Variants in FGR observed in about 807,000 individuals in gnomAD.
FGR encodes the protein FGR proto-oncogene, Src family tyrosine kinase.
In FGR, 26 loss-of-function variants were observed where a neutral mutation model predicts 63.2. The observed-to-expected ratio is 0.41, with a 90% CI of 0.30 to 0.57. The LOEUF (loss-of-function observed/expected upper bound fraction) is 0.57, where lower values mean the gene tolerates loss of function less well. Ranked by LOEUF, FGR falls within the 20% of genes least tolerant of loss-of-function variation. The probability of loss-of-function intolerance (pLI) is 0.27; values close to 1 mark genes in which losing one functional copy is unlikely to be tolerated. For synonymous variants in FGR, 286 were observed against 277.7 expected (o/e 1.03, Z -0.30); for missense variants, 511 against 690.8 (o/e 0.74, Z 2.92).
chr1:27,617,263 T>C lies in FGR; in HGVS notation c.462A>G (p.Ala154=), dbSNP rs780710820. 14 of 1,614,078 alleles carry C rather than the reference T, an allele frequency of 8.7e-6. No individual in the cohort carries two copies. In the East Asian group the frequency reaches 2.7e-4, roughly 31 times the overall value. ...TGCCTGGTGAAAGCAGCTGCCTCTC[T>C]GCATCCTTTCTCCCAATCTTTCCAA... ...WYFGKIGRKD[A]ERQLLSPGNP... The change falls in exon 6 of 13, where the codon GCA becomes GCG. Residue 154 remains alanine, a synonymous_variant. Transcript: ENST00000374005. The surrounding 1 kb of genome is among the most constrained non-coding windows in gnomAD (Gnocchi z 4.5).
chr1:27,617,005 A>C lies in FGR; in HGVS notation c.534T>G (p.Gly178=). 1.9e-6 allele frequency: 3 copies of C among 1,614,114 alleles called. No homozygotes were observed. Among genetic ancestry groups the C allele is most frequent in the Non-Finnish European group, 2.5e-6 (3 of 1,180,016 alleles). ...FLIRESETTK[G]AYSLSIRDWD... ...AGTCCCGGATGGACAGGGAGTAGGC[A>C]CCTGTGGAGAGGATCACTTTTGATC... Residue 178 remains glycine, a splice_region_variant and synonymous_variant, in exon 7 of 13, where the codon GGT becomes GGG. Coordinates refer to ENST00000374005, the MANE Select transcript of FGR (RefSeq NM_005248.3). The surrounding 1 kb of genome is among the most constrained non-coding windows in gnomAD (Gnocchi z 4.5).
At chr1:27,634,833 C>T (rs947372334) in intron 1 of FGR, among the ~76,000 whole-genome samples, 1 of 152,144 alleles carries the variant, frequency 6.6e-6, no homozygotes, top group South Asian at 2.1e-4. Context: ...CGGCTTCCCC[C>T]GTGCTCCCCT....
intron 4 of FGR, 97 bp from the exon 5 acceptor site, chr1:27,621,754 G>A: frequency 2.3e-6 from 2 of 857,292 alleles, no homozygotes; most frequent in Non-Finnish European, 4.0e-6. Flanking sequence ...GATGAATCCT[G>A]CCAAACCCTC....
chr1:27,623,821 G>A lies in FGR; in HGVS notation c.96C>T (p.Asp32=), dbSNP rs758251834. 5.0e-6 allele frequency: 8 copies of A among 1,614,104 alleles called. No homozygotes were observed. The highest frequency in any genetic ancestry group is 1.3e-5 in the African/African-American group (1 of 74,942). The part of the protein sequence containing the change: ...EGDFRSYGAA[D]HYGPDPTKAR... ...CCTTAGTGGGGTCAGGCCCATAGTG[G>A]TCTGCTGCCCCGTAGCTTCTGAAGT... is the stretch of plus-strand genomic sequence containing the variant. Residue 32 remains aspartate, a synonymous_variant, in exon 3 of 13, where the codon GAC becomes GAT. Transcript: ENST00000374005.
rs1468218917 is a variant in FGR at position 27,616,216 on chromosome 1, C to T, written c.683-372G>A. 1.3e-5 allele frequency among the ~76,000 whole-genome samples: 2 copies of T among 152,224 alleles called. No individual in the cohort carries two copies. Among genetic ancestry groups the T allele is most frequent in the Non-Finnish European group, 2.9e-5 (2 of 68,036 alleles). The stretch of plus-strand genomic sequence containing the variant: ...CCCACGGTCTTCCGTGGACCTCATC[C>T]TTGGCATAACCAATCAAGGCAGAAA... On this transcript the variant is annotated intron_variant, in intron 7 of 12. Coordinates refer to ENST00000374005, the MANE Select transcript of FGR (RefSeq NM_005248.3). This position sits in a 1 kb window ranked among gnomAD's most constrained non-coding sequence, Gnocchi z 4.3.
At chr1:27,632,206 G>A (rs908445837) in intron 1 of FGR, among the ~76,000 whole-genome samples, 2 of 149,940 alleles carry the variant, frequency 1.3e-5, no homozygotes, top group South Asian at 2.1e-4. Flanking sequence ...GTTCGATCTC[G>A]GCTCACTGCA....
At chr1:27,625,811 C>A (rs1263951279) in intron 1 of FGR, among the ~76,000 whole-genome samples, 1 of 152,048 alleles carries the variant, frequency 6.6e-6, no homozygotes, top group African/African-American at 2.4e-5. Context: ...TGGAGGTGGG[C>A]GCCTGTAGTC....
chr1:27,614,357 C>G, intron 11 of FGR, 73 bp downstream of exon 11: 2 of 1,516,960 alleles, frequency 1.3e-6, no homozygotes, highest in Non-Finnish European at 1.8e-6. Flanking sequence ...GGAAGGGTTC[C>G]TGAGTGCGTG....
In FGR at chr1:27,623,857, G is replaced by A. The variant is rs1291414043; in HGVS notation, c.60C>T (p.Gly20=). Residue 20 remains glycine (G), a synonymous_variant, in exon 3 of 13, where the codon GGC becomes GGT. Coordinates refer to ENST00000374005, the MANE Select transcript of FGR (RefSeq NM_005248.3). The part of the protein sequence containing the change: ...EPVATAKEDA[G]LEGDFRSYGA... ...CGTAGCTTCTGAAGTCCCCTTCCAGGCCAGCATCCTCCTTGGCCGTGGCCA... is the reference window on the plus strand; with the variant it reads ...CGTAGCTTCTGAAGTCCCCTTCCAGACCAGCATCCTCCTTGGCCGTGGCCA... The A allele has an allele frequency of 6.2e-7, 1 of 1,612,200 alleles. No individual in the cohort carries two copies. Among genetic ancestry groups the A allele is most frequent in the Non-Finnish European group, 8.5e-7 (1 of 1,178,424 alleles).
chr1:27,627,300 A>C (rs1337078539), intron 1 of FGR, among the ~76,000 whole-genome samples: 8 of 152,114 alleles, frequency 5.3e-5, no homozygotes, highest in Non-Finnish European at 1.2e-4. Context: ...ACCCCTTCTC[A>C]GTTGGCACAT....
chr1:27,620,699 A>G (rs1277871919), intron 5 of FGR, among the ~76,000 whole-genome samples: 2 of 151,882 alleles, frequency 1.3e-5, no homozygotes, highest in African/African-American at 2.4e-5. Flanking sequence ...ATACTTGCTC[A>G]AGTATATAAA....
At chr1:27,624,213 T>A (rs866380866) in intron 2 of FGR, among the ~76,000 whole-genome samples, 1 of 152,342 alleles carries the variant, frequency 6.6e-6, no homozygotes. Flanking sequence ...CTTATTTGCA[T>A]ATTTTTGCCT....
At chr1:27,628,516 T>TACACACACACACACACACAC (rs56021900) in intron 1 of FGR, among the ~76,000 whole-genome samples, 1 of 91,316 alleles carries the variant, frequency 1.1e-5, no homozygotes, top group Admixed American at 1.2e-4. Flanking sequence ...CATGTAGGGA[T>TACACACACACACACACACAC]ACACACACAC....
intron 11 of FGR, among the ~76,000 whole-genome samples, chr1:27,613,694 CAA>C (rs56363244): frequency 0.042 from 3,126 of 73,892 alleles, 54 homozygotes; most frequent in African/African-American, 0.17. Flanking sequence ...GACTCCATCT[CAA>C]AAAAAAAAAA....
chr1:27,615,434 C>T lies in FGR; in HGVS notation c.1018G>A (p.Gly340Ser), dbSNP rs768661282. The T allele has an allele frequency of 1.3e-6, 2 of 1,595,498 alleles. No individual in the cohort carries two copies. Among genetic ancestry groups the T allele is most frequent in the East Asian group, 2.3e-5 (1 of 44,308 alleles). ...GCCCGACCAGGCTCCGCCTCCTGAC[C>T]GTGACACATGAACTCGGTCACGATG... Reference protein sequence around the residue: ...IYIVTEFMCHGSLLDFLKNPE... With the variant: ...IYIVTEFMCHSSLLDFLKNPE... The change falls in exon 9 of 13, where the codon GGC (glycine) becomes AGC (serine). Residue 340 changes from glycine (G) to serine (S), a missense_variant and splice_region_variant. By Grantham distance (56) the Gly-to-Ser change is moderately conservative (BLOSUM62 0). Transcript: ENST00000374005. This position sits in a 1 kb window ranked among gnomAD's most constrained non-coding sequence, Gnocchi z 7.6.
At chr1:27,614,775 G>T in intron 10 of FGR, 75 bp downstream of exon 10, 1 of 1,447,352 alleles carries the variant, frequency 6.9e-7, no homozygotes. Context: ...CCTCCCAGGC[G>T]TTTGAAGGGA....
Position 27,615,472 on chromosome 1 carries a change from T to G in FGR, c.980A>C (p.Glu327Ala), listed in dbSNP as rs776370581. 17 of 1,610,364 alleles carry G rather than the reference T, an allele frequency of 1.1e-5. No homozygotes were observed. In the Admixed American group the frequency reaches 2.8e-4, roughly 27 times the overall value. ...KLVQLYAVVS[E>A]EPIYIVTEFM... ...CTCGGTCACGATGTAGATGGGCTCC[T>G]CCGACACCACGGCGTACAGCTGCAC... The change falls in exon 9 of 13, where the codon GAG becomes GCG. Residue 327 changes from glutamate to alanine, a missense_variant. Physicochemically the swap from Glu to Ala is moderately radical, Grantham distance 107 (BLOSUM62 -1). Transcript: ENST00000374005. The surrounding 1 kb of genome is among the most constrained non-coding windows in gnomAD (Gnocchi z 7.6).
In FGR at chr1:27,616,796, T is replaced by C. The variant is rs979804189; in HGVS notation, c.682+61A>G. 15 of 1,573,776 alleles carry C rather than the reference T, an allele frequency of 9.5e-6. No homozygotes were observed. The highest frequency in any genetic ancestry group is 1.1e-5 in the Non-Finnish European group (13 of 1,144,734). ...GTCCCTTCCCTTCTCTGGGCCTCAG[T>C]TCCCCCATCTGGACAATGCTTCAGT... is the stretch of plus-strand genomic sequence containing the variant. On this transcript the variant is annotated intron_variant, in intron 7 of 12. Coordinates refer to ENST00000374005, the MANE Select transcript of FGR (RefSeq NM_005248.3). This position sits in a 1 kb window ranked among gnomAD's most constrained non-coding sequence, Gnocchi z 4.3.
At position 27,615,380 on chromosome 1, in the gene FGR, A is replaced by C; in HGVS notation, c.1018+54T>G. ...CGCGTCCCAGGTCCCACGCCTGAAA[A>C]CTCCCCTCTTAACTTCACCCCGAAT... On this transcript the variant is annotated intron_variant, in intron 9 of 12. Transcript: ENST00000374005. The surrounding 1 kb of genome is among the most constrained non-coding windows in gnomAD (Gnocchi z 7.6). 1 of 1,548,786 alleles carries C rather than the reference A, an allele frequency of 6.5e-7. No individual in the cohort carries two copies. Among genetic ancestry groups the C allele is most frequent in the Non-Finnish European group, 8.8e-7 (1 of 1,137,180 alleles).
Sources: gnomAD v4.1 joint callset for allele counts (sites outside exome capture counted in the v4.1 genomes callset) on GRCh38, gnomAD v4.1.1 for gene constraint, Gnocchi (gnomAD v3.1) non-coding constraint, MANE v1.5 for transcripts, NCBI Gene and HGNC (gene_info 2026-07-23, HGNC 2026-07-21) for gene names.